Variants in CPED1 observed in about 807,000 individuals in gnomAD.
CPED1 encodes cadherin-like and PC-esterase domain-containing protein 1.
A neutral mutation model predicts 128.2 loss-of-function variants in CPED1; 114 were observed. The ratio of observed to expected loss-of-function variants is 0.89; its 90% CI spans 0.76 to 1.04. CPED1 has a LOEUF of 1.04. Among genes scored for constraint, CPED1 ranks in the 50% least tolerant of loss-of-function variants. The pLI, the probability that CPED1 is intolerant of heterozygous loss-of-function variation, is 0.00. For synonymous variants in CPED1, 462 were observed against 426.7 expected, an observed-to-expected ratio of 1.08 and a Z score of -1.02; for missense variants, 1,211 against 1,207.1, an observed-to-expected ratio of 1.00 and a Z score of -0.05.
chr7:121,116,460 A>T (rs1661369240), intron 7 of CPED1, among the ~76,000 whole-genome samples: 1 of 152,156 alleles, frequency 6.6e-6, no homozygotes, highest in Admixed American at 6.5e-5. Context: ...AGGCAATTTG[A>T]TTTAAGTTAC....
rs573996509 is a variant in CPED1, at chr7:121,010,528, C to G, written c.250-5137C>G. On this transcript the variant is annotated intron_variant, in intron 2 of 22. Transcript: ENST00000310396. ...CTTCCCAAAGTGCTGGGATTACAGGCGTGAGCCACCACGCCCTGCAGGAAT... is the reference window on the plus strand; with the variant it reads ...CTTCCCAAAGTGCTGGGATTACAGGGGTGAGCCACCACGCCCTGCAGGAAT... 2.0e-5 allele frequency among the ~76,000 whole-genome samples: 3 copies of G among 152,292 alleles called. No individual in the cohort carries two copies. The South Asian group carries it at 6.2e-4, about 32-fold the overall frequency.
At chr7:121,204,013 G>C (rs778104216) in intron 16 of CPED1, among the ~76,000 whole-genome samples, 21 of 152,018 alleles carry the variant, frequency 1.4e-4, no homozygotes, top group Non-Finnish European at 2.8e-4. Flanking sequence ...CTCGCTTTCA[G>C]GGAGGTGAGG....
intron 2 of CPED1, among the ~76,000 whole-genome samples, chr7:121,005,705 T>A (rs945153595): frequency 1.3e-5 from 2 of 152,136 alleles, no homozygotes; most frequent in Non-Finnish European, 2.9e-5. Flanking sequence ...TTAAAAAAAA[T>A]TTAAGGGCTT....
chr7:121,143,789 A>G (rs1007818811), intron 16 of CPED1, among the ~76,000 whole-genome samples: 38 of 151,996 alleles, frequency 2.5e-4, no homozygotes, highest in African/African-American at 9.2e-4. Flanking sequence ...TGTATAAATG[A>G]TTCAGCAGTC....
chr7:121,006,384 A>G (rs1193484008), intron 2 of CPED1, among the ~76,000 whole-genome samples: 1 of 152,136 alleles, frequency 6.6e-6, no homozygotes, highest in Non-Finnish European at 1.5e-5. Flanking sequence ...AGTCAGCTGG[A>G]GAGCATTTAC....
At chr7:121,225,782 T>G (rs1797992857) in intron 16 of CPED1, among the ~76,000 whole-genome samples, 1 of 152,168 alleles carries the variant, frequency 6.6e-6, no homozygotes. Flanking sequence ...GTATTGAAGC[T>G]TGTGTATGCA....
At chr7:121,065,524 G>A (rs983673986) in intron 5 of CPED1, among the ~76,000 whole-genome samples, 2 of 152,094 alleles carry the variant, frequency 1.3e-5, no homozygotes, top group African/African-American at 4.8e-5. Context: ...AGATTTTAAA[G>A]TGTTTTTCTT....
intron 5 of CPED1, among the ~76,000 whole-genome samples, chr7:121,069,734 T>G (rs1472058023): frequency 1.3e-5 from 2 of 152,170 alleles, no homozygotes; most frequent in Non-Finnish European, 2.9e-5. Flanking sequence ...CTAATGTTTT[T>G]TGTTGCTTTT....
intron 16 of CPED1, among the ~76,000 whole-genome samples, chr7:121,185,714 T>C (rs1194011735): frequency 6.6e-6 from 1 of 152,220 alleles, no homozygotes; most frequent in Non-Finnish European, 1.5e-5. Context: ...TCCGTGAACG[T>C]AGGCAAACTT....
At chr7:121,169,624 T>C (rs2116462729) in intron 16 of CPED1, among the ~76,000 whole-genome samples, 1 of 152,336 alleles carries the variant, frequency 6.6e-6, no homozygotes, top group Non-Finnish European at 1.5e-5. Flanking sequence ...AACTTTTAAA[T>C]TTGCCACTCG....
intron 14 of CPED1, 85 bp from the exon 15 acceptor site, chr7:121,140,742 A>G (rs898435658): frequency 1.5e-5 from 12 of 802,866 alleles, no homozygotes; most frequent in Non-Finnish European, 2.2e-5. Context: ...AAGGAAACAG[A>G]AAAAGAAAAA....
At chr7:121,011,767 C>T (rs567491419) in intron 2 of CPED1, among the ~76,000 whole-genome samples, 7 of 152,172 alleles carry the variant, frequency 4.6e-5, no homozygotes, top group East Asian at 1.9e-4. Context: ...AAAACATAAT[C>T]GCTCCTGTAG....
intron 13 of CPED1, among the ~76,000 whole-genome samples, chr7:121,134,864 T>C (rs1362949044): frequency 2.0e-5 from 3 of 152,026 alleles, no homozygotes; most frequent in Non-Finnish European, 4.4e-5. Flanking sequence ...GTTATTTTTA[T>C]AGATCAGAAA....
At position 121,200,357 on chromosome 7, in the gene CPED1, C is replaced by G. The variant is rs112170778; in HGVS notation, c.2056-36357C>G. On this transcript the variant is annotated intron_variant, in intron 16 of 22. Coordinates refer to ENST00000310396, the MANE Select transcript of CPED1 (RefSeq NM_024913.5). The stretch of plus-strand genomic sequence containing the variant: ...ATGTGTCAATGCATACTGTGGATTT[C>G]CAAGAGAATGGGTATACATTTCCTA... Among the ~76,000 whole-genome samples the G allele has an allele frequency of 1.3e-3, 195 of 152,170 alleles. 3 individuals are homozygous for G. The highest frequency in any genetic ancestry group is 4.5e-3 in the African/African-American group (186 of 41,532).
chr7:121,264,743 C>T (rs1749414456), intron 18 of CPED1, among the ~76,000 whole-genome samples: 1 of 152,046 alleles, frequency 6.6e-6, no homozygotes, highest in African/African-American at 2.4e-5. Context: ...AAAGAGAAAT[C>T]TCCAAAGAAA....
chr7:121,069,619 C>G (rs1201250568), intron 5 of CPED1, among the ~76,000 whole-genome samples: 11 of 152,052 alleles, frequency 7.2e-5, no homozygotes, highest in Admixed American at 7.2e-4. Flanking sequence ...CACACATCCA[C>G]GGAATTTTTA....
intron 16 of CPED1, among the ~76,000 whole-genome samples, chr7:121,183,718 G>C (rs757855043): frequency 6.6e-6 from 1 of 152,106 alleles, no homozygotes; most frequent in African/African-American, 2.4e-5. Flanking sequence ...TAATTTTCAG[G>C]ATTTCAATTT....
intron 7 of CPED1, among the ~76,000 whole-genome samples, chr7:121,121,334 G>C (rs1795381965): frequency 6.6e-6 from 1 of 152,148 alleles, no homozygotes; most frequent in Admixed American, 6.5e-5. Flanking sequence ...ATGGATCAAT[G>C]TTGTAAAAAT....
At position 121,130,260 on chromosome 7, in the gene CPED1, A is replaced by G; in HGVS notation, c.1543A>G (p.Met515Val). 2 of 1,607,916 alleles carry G rather than the reference A, an allele frequency of 1.2e-6. No individual in the cohort carries two copies. Among genetic ancestry groups the G allele is most frequent in the East Asian group, 2.2e-5 (1 of 44,552 alleles). Residue 515 changes from methionine (M) to valine (V), a missense_variant, in exon 12 of 23, where the codon ATG (methionine) becomes GTG (valine). Physicochemically the swap from Met to Val is conservative, Grantham distance 21 (BLOSUM62 1). Transcript: ENST00000310396. ...LLNVFEQFQF[M>V]NKKTQPHPLE... ...AAATGTATTTGAACAATTTCAGTTC[A>G]TGAATAAAAAGACACAGCCACATCC...
Sources: gnomAD v4.1 joint callset for allele counts (sites outside exome capture counted in the v4.1 genomes callset) on GRCh38, gnomAD v4.1.1 for gene constraint, MANE v1.5 for transcripts, NCBI Gene and HGNC (gene_info 2026-07-23, HGNC 2026-07-21) for gene names.